The following CCDC170 variants were observed in gnomAD, a reference collection of about 807,000 sequenced individuals.
CCDC170 encodes the protein coiled-coil domain-containing protein 170.
Under a neutral mutation model 72.6 loss-of-function variants are expected in CCDC170, and 69 were observed. The observed-to-expected ratio is 0.95, with a 90% CI of 0.78 to 1.16. The LOEUF (loss-of-function observed/expected upper bound fraction) is 1.16, where lower values mean the gene tolerates loss of function less well. CCDC170 is among the 50% of genes most tolerant of loss of function. The pLI, the probability that CCDC170 is intolerant of heterozygous loss-of-function variation, is 0.00. For synonymous variants in CCDC170, 300 were observed against 303.9 expected (o/e 0.99, Z 0.13); for missense variants, 852 against 832.5 (o/e 1.02, Z -0.29).
intron 3 of CCDC170, among the ~76,000 whole-genome samples, chr6:151,541,708 G>T (rs1396654984): frequency 6.6e-6 from 1 of 150,884 alleles, no homozygotes; most frequent in Non-Finnish European, 1.5e-5. Context: ...CATGATTATA[G>T]AAAAGCTATA....
At chr6:151,514,373 G>GAGGGAGGAAGGAAGGAAGGA (rs1562267943) in intron 1 of CCDC170, among the ~76,000 whole-genome samples, 1 of 107,008 alleles carries the variant, frequency 9.3e-6, no homozygotes, top group African/African-American at 3.8e-5. Flanking sequence ...GGGAGGGAGG[G>GAGGGAGGAAGGAAGGAAGGA]AGGAAGGAAG....
intron 6 of CCDC170, among the ~76,000 whole-genome samples, chr6:151,584,272 A>G (rs1776419351): frequency 6.6e-6 from 1 of 152,208 alleles, no homozygotes; most frequent in Non-Finnish European, 1.5e-5. Context: ...GTGTCTTTAC[A>G]CAGCTGTAAT....
chr6:151,504,042 T>G (rs1378835768), intron 1 of CCDC170, among the ~76,000 whole-genome samples: 1 of 152,234 alleles, frequency 6.6e-6, no homozygotes, highest in African/African-American at 2.4e-5. Context: ...GTGTCATTGT[T>G]AAATTTCTTG....
chr6:151,504,811 C>T (rs545141659), intron 1 of CCDC170, among the ~76,000 whole-genome samples: 19 of 150,874 alleles, frequency 1.3e-4, no homozygotes, highest in Admixed American at 9.3e-4. Context: ...TGGCTGAGAT[C>T]GCAGGAGGGC....
intron 9 of CCDC170, among the ~76,000 whole-genome samples, chr6:151,603,722 C>T (rs1776743909): frequency 6.6e-6 from 1 of 152,192 alleles, no homozygotes; most frequent in East Asian, 1.9e-4. Context: ...CTTCAGTATC[C>T]TAGCAATAGC....
intron 7 of CCDC170, 69 bp downstream of exon 7, chr6:151,586,158 C>T: frequency 6.7e-7 from 1 of 1,495,752 alleles, no homozygotes; most frequent in South Asian, 1.3e-5. Context: ...CTGAAAATAT[C>T]CTGAATTTTA....
chr6:151,530,866 C>T (rs1762583895), intron 1 of CCDC170, among the ~76,000 whole-genome samples: 1 of 152,072 alleles, frequency 6.6e-6, no homozygotes, highest in Non-Finnish European at 1.5e-5. Context: ...TATGGCCCTT[C>T]TGATAATTGT....
Position 151,618,811 on chromosome 6 carries a change from G to C in CCDC170, c.*664G>C, listed in dbSNP as rs1777012224. On this transcript the variant is annotated 3_prime_UTR_variant, in exon 11 of 11. Coordinates refer to ENST00000239374, the MANE Select transcript of CCDC170 (RefSeq NM_025059.4). ...ATATCATTTGAGGTCAGGAGTTTAA[G>C]ACCAGCCTGGCTAACATAGTGAGAC... 1 of 152,428 alleles carries C rather than the reference G, an allele frequency of 6.6e-6. No homozygotes were observed. The highest frequency in any genetic ancestry group is 2.4e-5 in the African/African-American group (1 of 41,414). 9.4% of individuals were successfully genotyped at this position (152,428 alleles called of 1,614,324 possible).
intron 10 of CCDC170, 34 bp from the exon 11 acceptor site, chr6:151,617,913 C>T: frequency 6.3e-7 from 1 of 1,593,058 alleles, no homozygotes. Flanking sequence ...ACATTTTGTT[C>T]TCCCAGTTAA....
chr6:151,597,693 G>T (rs924561837), intron 9 of CCDC170, among the ~76,000 whole-genome samples: 1 of 152,190 alleles, frequency 6.6e-6, no homozygotes, highest in Non-Finnish European at 1.5e-5. Context: ...AACTTCTAAC[G>T]AAGGCAGAGC....
rs575675968 is a variant in CCDC170 at position 151,551,802 on chromosome 6, A to T, written c.774+3313A>T. ...ACCTTAGGAGAGCCCCTGAGCCAGAACCACCACCAGCAAAGTCGTGCTGAG... is the reference window on the plus strand; with the variant it reads ...ACCTTAGGAGAGCCCCTGAGCCAGATCCACCACCAGCAAAGTCGTGCTGAG... On this transcript the variant is annotated intron_variant, in intron 5 of 10. Coordinates refer to ENST00000239374, the MANE Select transcript of CCDC170 (RefSeq NM_025059.4). Among the ~76,000 whole-genome samples the T allele has an allele frequency of 4.6e-5, 7 of 152,272 alleles. No individual in the cohort carries two copies. The East Asian group carries it at 1.4e-3, about 29-fold the overall frequency.
intron 9 of CCDC170, among the ~76,000 whole-genome samples, chr6:151,600,060 T>C (rs986964256): frequency 6.6e-5 from 10 of 152,208 alleles, no homozygotes; most frequent in African/African-American, 2.4e-4. Flanking sequence ...CAAAGGAATG[T>C]TAAGTCTTCC....
chr6:151,526,383 A>G (rs1473713889), intron 1 of CCDC170, among the ~76,000 whole-genome samples: 2 of 151,288 alleles, frequency 1.3e-5, no homozygotes, highest in Non-Finnish European at 1.5e-5. Context: ...TACCACGCCC[A>G]GCTAATTTTT....
chr6:151,595,484 T>C (rs560836555), intron 8 of CCDC170, among the ~76,000 whole-genome samples: 47 of 152,274 alleles, frequency 3.1e-4, no homozygotes, highest in South Asian at 6.2e-4. Context: ...AAGCAAAGCT[T>C]ACTTAAAAAT....
At position 151,573,346 on chromosome 6, in the gene CCDC170, T is replaced by C; in HGVS notation, c.947T>C (p.Val316Ala). ...EKSLKASQDA[V>A]TTSQSQYFSF... is the part of the protein sequence containing the mutation. The stretch of plus-strand genomic sequence containing the variant: ...AGTTTGAAGGCCAGTCAGGATGCAG[T>C]CACAACCTCACAAAGCCAGTACTTC... The change falls in exon 6 of 11, where the codon GTC becomes GCC. Residue 316 changes from valine to alanine, a missense_variant. Physicochemically the swap from Val to Ala is moderately conservative, Grantham distance 64. Transcript: ENST00000239374. 6.2e-7 allele frequency: 1 copy of C among 1,614,112 alleles called. No individual in the cohort carries two copies. The highest frequency in any genetic ancestry group is 8.5e-7 in the Non-Finnish European group (1 of 1,180,012).
chr6:151,545,390 C>T (rs1782755674), intron 4 of CCDC170, among the ~76,000 whole-genome samples: 2 of 151,760 alleles, frequency 1.3e-5, no homozygotes, highest in East Asian at 3.9e-4. Context: ...TCCACCTGGG[C>T]CACAGAGTGA....
Position 151,615,542 on chromosome 6 carries a change from G to A in CCDC170, c.1810G>A (p.Val604Ile), listed in dbSNP as rs6929137. 529,827 of 1,613,434 alleles carry A rather than the reference G, an allele frequency of 0.33. 89,807 individuals carry two copies. Among genetic ancestry groups the A allele is most frequent in the African/African-American group, 0.5 (37,349 of 74,924 alleles). ...GAAAGCTGAGAAAAAGCTCATGTCT[G>A]TCAAGTCAGAACTGGATACCACAGA... ...KEKAEKKLMSVKSELDTTEHE... is the reference protein window; with the variant it reads ...KEKAEKKLMSIKSELDTTEHE... Residue 604 changes from valine to isoleucine, a missense_variant, in exon 10 of 11, where the codon GTC (valine) becomes ATC (isoleucine). Transcript: ENST00000239374.
chr6:151,541,343 A>G (rs906309153), intron 3 of CCDC170, among the ~76,000 whole-genome samples: 1 of 152,108 alleles, frequency 6.6e-6, no homozygotes, highest in African/African-American at 2.4e-5. Context: ...TATTTTGATT[A>G]TTGTCCATCT....
chr6:151,600,250 C>T (rs1047515291), intron 9 of CCDC170, among the ~76,000 whole-genome samples: 2 of 152,210 alleles, frequency 1.3e-5, no homozygotes, highest in African/African-American at 2.4e-5. Context: ...CACCATTGTA[C>T]ATTGCCTTAA....
Sources: allele counts gnomAD v4.1 joint callset (sites outside exome capture counted in the v4.1 genomes callset), GRCh38; gene constraint gnomAD v4.1.1; transcripts MANE v1.5; gene names NCBI Gene and HGNC (gene_info 2026-07-23, HGNC 2026-07-21).